NFATC2: variants seen among roughly 807,000 people sequenced by gnomAD.
The protein encoded by NFATC2 is nuclear factor of activated T cells 2.
NFATC2 carries 22 observed loss-of-function variants against 87.3 expected under a neutral mutation model. That is an observed-to-expected ratio of 0.25 (90% CI 0.18 to 0.36). The LOEUF (loss-of-function observed/expected upper bound fraction) is 0.36. Among genes scored for constraint, NFATC2 ranks in the 10% least tolerant of loss-of-function variants. The probability of loss-of-function intolerance (pLI) is 1.00; values close to 1 mark genes in which losing one functional copy is unlikely to be tolerated. For synonymous variants in NFATC2, 565 were observed against 542.2 expected (o/e 1.04, Z -0.58); for missense variants, 1,149 against 1,259.1 (o/e 0.91, Z 1.32).
intron 9 of NFATC2, among the ~76,000 whole-genome samples, chr20:51,420,980 G>C (rs994701188): frequency 6.6e-6 from 1 of 151,510 alleles, no homozygotes; most frequent in South Asian, 2.1e-4. Context: ...AAGATTGTTT[G>C]AGCCCAGGAA....
chr20:51,490,855 C>T (rs1351990391), intron 3 of NFATC2, among the ~76,000 whole-genome samples: 1 of 152,130 alleles, frequency 6.6e-6, no homozygotes. Context: ...TGCTCCTTTC[C>T]CAGGGAACCA....
intron 3 of NFATC2, among the ~76,000 whole-genome samples, chr20:51,481,394 C>T (rs1320430643): frequency 1.3e-5 from 2 of 150,642 alleles, no homozygotes; most frequent in South Asian, 2.1e-4. Flanking sequence ...CTGGACCAGC[C>T]GGATCACACT....
intron 3 of NFATC2, among the ~76,000 whole-genome samples, chr20:51,511,281 T>G (rs943788412): frequency 5.3e-5 from 8 of 152,216 alleles, no homozygotes; most frequent in Admixed American, 5.2e-4. Context: ...GTGATCTTGT[T>G]TATACAGTCT....
rs779731765 is a variant in NFATC2 at position 51,474,091 on chromosome 20, T to C, written c.1597A>G (p.Thr533Ala). 2 of 1,614,190 alleles carry C rather than the reference T, an allele frequency of 1.2e-6. No homozygotes were observed. Among genetic ancestry groups the C allele is most frequent in the Non-Finnish European group, 1.7e-6 (2 of 1,180,038 alleles). ...NADIELRKGE[T>A]DIGRKNTRVR... is the part of the protein sequence containing the mutation. ...CGCGTGTTCTTTCTTCCAATGTCCG[T>C]CTCGCCTTTCCGCAGCTCAATGTCG... Residue 533 changes from threonine (T) to alanine (A), a missense_variant, in exon 5 of 11, where the codon ACG becomes GCG. By Grantham distance (58) the Thr-to-Ala change is moderately conservative (BLOSUM62 0). Coordinates refer to ENST00000371564, the MANE Select transcript of NFATC2 (RefSeq NM_012340.5).
chr20:51,421,116 C>A (rs1980839379), intron 9 of NFATC2, among the ~76,000 whole-genome samples: 1 of 151,224 alleles, frequency 6.6e-6, no homozygotes, highest in African/African-American at 2.4e-5. Flanking sequence ...AACAAACCCC[C>A]AAAACAAAAT....
chr20:51,562,722 C>G, upstream of NFATC2: 8 of 1,291,664 alleles, frequency 6.2e-6, no homozygotes, highest in Non-Finnish European at 8.6e-6. The surrounding 1 kb of genome is among the most constrained non-coding windows in gnomAD (Gnocchi z 5.8). Flanking sequence ...CTACCGCGTG[C>G]CCGCGGGGCT....
intron 3 of NFATC2, among the ~76,000 whole-genome samples, chr20:51,477,916 A>G (rs1988895703): frequency 6.6e-6 from 1 of 152,174 alleles, no homozygotes; most frequent in African/African-American, 2.4e-5. Context: ...TTTTTCAGGT[A>G]CACTAGCCAC....
At chr20:51,401,328 A>ACTGT (rs1416796782) in intron 9 of NFATC2, among the ~76,000 whole-genome samples, 1 of 151,808 alleles carries the variant, frequency 6.6e-6, no homozygotes, top group Admixed American at 6.6e-5. Context: ...ACAGAGCAAG[A>ACTGT]CTGTCTCAAA....
chr20:51,500,421 G>A (rs926767793), intron 3 of NFATC2, among the ~76,000 whole-genome samples: 4 of 151,988 alleles, frequency 2.6e-5, no homozygotes, highest in Non-Finnish European at 1.5e-5. Context: ...CCACCTCAAA[G>A]TGAACAAAAC....
At position 51,399,054 on chromosome 20, in the gene NFATC2, G is replaced by C. The variant is rs917209503; in HGVS notation, c.2723-324C>G. On this transcript the variant is annotated intron_variant, in intron 9 of 10. Coordinates refer to ENST00000371564, the MANE Select transcript of NFATC2 (RefSeq NM_012340.5). The stretch of plus-strand genomic sequence containing the variant: ...TTCAAATCATGGCCAACTACAAAGA[G>C]AAAATTAAGCTGGTTTCTGCTGCAG... The C allele has an allele frequency of 2.5e-5, 6 of 236,566 alleles. No homozygotes were observed. In the East Asian group the frequency reaches 4.2e-4, roughly 17 times the overall value. The allele number at this position is 236,566 out of a possible 1,614,324, so 14.7% of individuals were successfully genotyped here. A position where few individuals can be genotyped will look rare whatever the true frequency, so the allele number is the denominator to read the frequency against.
chr20:51,523,465 G>T lies in NFATC2; in HGVS notation c.776C>A (p.Ala259Asp). The T allele has an allele frequency of 2.5e-6, 4 of 1,610,538 alleles. 1 individual carries two copies. In the Middle Eastern group the frequency reaches 5.0e-4, roughly 202 times the overall value. ...GAKRRHSCAEALVALPPGASP... is the reference protein window; with the variant it reads ...GAKRRHSCAEDLVALPPGASP... ...GGCTCCGGGCGGCAGGGCAACCAAG[G>T]CCTCGGCGCACGAATGCCTCCGCTT... Residue 259 changes from alanine to aspartate, a missense_variant, in exon 2 of 11, where the codon GCC (alanine) becomes GAC (aspartate). By Grantham distance (126) the Ala-to-Asp change is moderately radical. Coordinates refer to ENST00000371564, the MANE Select transcript of NFATC2 (RefSeq NM_012340.5). The surrounding 1 kb of genome is among the most constrained non-coding windows in gnomAD (Gnocchi z 6.9).
At chr20:51,528,592 C>T (rs2076584331) in intron 1 of NFATC2, among the ~76,000 whole-genome samples, 1 of 152,168 alleles carries the variant, frequency 6.6e-6, no homozygotes, top group Admixed American at 6.5e-5. Flanking sequence ...ATAGTGACAT[C>T]CTCCAGGGAG....
chr20:51,507,401 T>G (rs1214132959), intron 3 of NFATC2, among the ~76,000 whole-genome samples: 1 of 152,276 alleles, frequency 6.6e-6, no homozygotes, highest in South Asian at 2.1e-4. Flanking sequence ...CGTGGTTAAT[T>G]CAACCAGAAA....
At chr20:51,417,694 C>T (rs1451284545) in intron 9 of NFATC2, among the ~76,000 whole-genome samples, 1 of 152,260 alleles carries the variant, frequency 6.6e-6, no homozygotes, top group Non-Finnish European at 1.5e-5. Flanking sequence ...GCAGAGCAAG[C>T]TCTGCCAGCA....
intron 3 of NFATC2, among the ~76,000 whole-genome samples, chr20:51,505,457 G>C (rs1315781163): frequency 1.3e-5 from 2 of 150,580 alleles, no homozygotes; most frequent in Non-Finnish European, 3.0e-5. Context: ...GTGTAGGTGT[G>C]TGTATATATA....
At chr20:51,500,990 T>C (rs2076081170) in intron 3 of NFATC2, among the ~76,000 whole-genome samples, 1 of 149,450 alleles carries the variant, frequency 6.7e-6, no homozygotes, top group East Asian at 2.0e-4. Context: ...CACAAACACC[T>C]TAAGGGGCCA....
In NFATC2 at chr20:51,454,866, G is replaced by T. The variant is rs4809844; in HGVS notation, c.1709-178C>A. Among the ~76,000 whole-genome samples the T allele has an allele frequency of 8.3e-3, 1,267 of 152,318 alleles. 44 individuals carry two copies. The highest frequency in any genetic ancestry group is 0.058 in the Admixed American group (889 of 15,294). Reference sequence around the variant, plus strand: ...ATGACGTACAAATGTTATGCCTTGTGAAAGTGCTCTAAGTCATTTGAGCTA... The same window carrying T: ...ATGACGTACAAATGTTATGCCTTGTTAAAGTGCTCTAAGTCATTTGAGCTA... On this transcript the variant is annotated intron_variant, in intron 5 of 10. Coordinates refer to ENST00000371564, the MANE Select transcript of NFATC2 (RefSeq NM_012340.5).
At chr20:51,551,870 A>G (rs1307114292) in intron 1 of NFATC2, among the ~76,000 whole-genome samples, 1 of 151,830 alleles carries the variant, frequency 6.6e-6, no homozygotes, top group African/African-American at 2.4e-5. Context: ...TACTAAAAAT[A>G]CAAAAAGTTA....
At chr20:51,400,249 T>C (rs946271449) in intron 9 of NFATC2, among the ~76,000 whole-genome samples, 1 of 152,220 alleles carries the variant, frequency 6.6e-6, no homozygotes, top group African/African-American at 2.4e-5. Flanking sequence ...AGTTCTGTAA[T>C]GACCAACACG....
Sources: gnomAD v4.1 joint callset for allele counts (sites outside exome capture counted in the v4.1 genomes callset) on GRCh38, gnomAD v4.1.1 for gene constraint, Gnocchi (gnomAD v3.1) non-coding constraint, MANE v1.5 for transcripts, NCBI Gene and HGNC (gene_info 2026-07-23, HGNC 2026-07-21) for gene names.